PLAC1: variants seen among roughly 807,000 people sequenced by gnomAD.
The protein encoded by PLAC1 is placenta-specific protein 1.
For synonymous variants in PLAC1, 68 were observed against 62.1 expected, an observed-to-expected ratio of 1.09 and a Z score of -0.44; for missense variants, 136 against 163.2, an observed-to-expected ratio of 0.83 and a Z score of 0.91.
chrX:134,696,886 G>T (rs1033143187), intron 2 of PLAC1, among the ~76,000 whole-genome samples: 8 of 109,505 alleles, frequency 7.3e-5, no homozygotes, highest in Non-Finnish European at 1.5e-4. Context: ...AAAAAAATTA[G>T]CCGGGCGGGG....
intron 1 of PLAC1, among the ~76,000 whole-genome samples, chrX:134,638,776 G>A (rs970364786): frequency 9.3e-6 from 1 of 107,806 alleles, no homozygotes; most frequent in Non-Finnish European, 1.9e-5. Flanking sequence ...AAAAAAAAAA[G>A]CAAACAAACA....
intron 1 of PLAC1, among the ~76,000 whole-genome samples, chrX:134,612,832 A>C (rs1461430906): frequency 9.0e-6 from 1 of 111,206 alleles, no homozygotes; most frequent in Non-Finnish European, 1.9e-5. Flanking sequence ...TCTGTGCTGA[A>C]TCCAGCCTCT....
At chrX:134,650,008 G>T (rs1002416879) in intron 1 of PLAC1, among the ~76,000 whole-genome samples, 1 of 111,647 alleles carries the variant, frequency 9.0e-6, no homozygotes, top group Non-Finnish European at 1.9e-5. Flanking sequence ...GAGAGTTCCT[G>T]CCCTATACCC....
intron 1 of PLAC1, chrX:134,651,212 G>A (rs2078360993): frequency 4.6e-6 from 1 of 218,666 alleles, no homozygotes. Context: ...CGTACCATGC[G>A]ATCTTGAGGA....
At chrX:134,680,767 C>T (rs1458502814) in intron 2 of PLAC1, among the ~76,000 whole-genome samples, 2 of 111,892 alleles carry the variant, frequency 1.8e-5, no homozygotes, top group Non-Finnish European at 1.9e-5. Context: ...AGTGTCTGTG[C>T]ACTGCACTTT....
chrX:134,575,146 C>T (rs749244753), intron 2 of PLAC1, among the ~76,000 whole-genome samples: 9 of 110,889 alleles, frequency 8.1e-5, no homozygotes, highest in South Asian at 3.9e-4. Flanking sequence ...AAAGAGAGAT[C>T]CAGGCTAACT....
At chrX:134,581,165 T>C (rs1465846085) in intron 2 of PLAC1, among the ~76,000 whole-genome samples, 1 of 111,535 alleles carries the variant, frequency 9.0e-6, no homozygotes, top group African/African-American at 3.3e-5. Flanking sequence ...GACCTGGATG[T>C]CAGGGCTTGG....
chrX:134,692,837 C>T (rs1285995474), intron 2 of PLAC1, among the ~76,000 whole-genome samples: 3 of 111,460 alleles, frequency 2.7e-5, no homozygotes, highest in African/African-American at 9.8e-5. Flanking sequence ...TCAGAGAAAA[C>T]ATTTAGCCTT....
At chrX:134,707,522 C>T (rs1256383852) in intron 2 of PLAC1, among the ~76,000 whole-genome samples, 3 of 111,608 alleles carry the variant, frequency 2.7e-5, no homozygotes, top group East Asian at 2.8e-4. Flanking sequence ...TGATGTTCCC[C>T]GCCCTGTGTC....
chrX:134,584,944 G>T (rs925492145), intron 2 of PLAC1, among the ~76,000 whole-genome samples: 1 of 110,658 alleles, frequency 9.0e-6, no homozygotes, highest in Non-Finnish European at 1.9e-5. Flanking sequence ...CATAAACACA[G>T]GCAGAACGTC....
At chrX:134,739,543 T>C (rs2078711767) in intron 1 of PLAC1, among the ~76,000 whole-genome samples, 1 of 112,484 alleles carries the variant, frequency 8.9e-6, no homozygotes, top group African/African-American at 3.2e-5. Context: ...CAGCTAATGC[T>C]CTTGGCCACA....
Position 134,602,042 on chromosome X carries a change from A to C in PLAC1, c.-59+9T>G, listed in dbSNP as rs1323538148. On this transcript the variant is annotated intron_variant, in intron 2 of 2. Transcript: ENST00000359237. ...GAGAAGGGGGACACTGAACACACAG[A>C]AAACTAACCTTCTTCTGGCAGCTGG... 8.9e-6 allele frequency: 1 copy of C among 112,785 alleles called. No individual in the cohort carries two copies. Among genetic ancestry groups the C allele is most frequent in the East Asian group, 2.8e-4 (1 of 3,607 alleles). The allele number at this position is 112,785 out of a possible 1,213,427, so 9.3% of individuals were successfully genotyped here.
chrX:134,569,739 A>AGTGTGTGTGTGTGTGTGTGTGT (rs749953575), intron 2 of PLAC1, among the ~76,000 whole-genome samples: 10 of 72,159 alleles, frequency 1.4e-4, no homozygotes, highest in Non-Finnish European at 2.2e-4. Flanking sequence ...AGGGTAGAGT[A>AGTGTGTGTGTGTGTGTGTGTGT]GTGTGTGTGT....
chrX:134,718,489 G>C (rs1425296739), intron 2 of PLAC1, among the ~76,000 whole-genome samples: 2 of 112,378 alleles, frequency 1.8e-5, no homozygotes, highest in Non-Finnish European at 3.8e-5. Context: ...CATTCCTCAC[G>C]TTCAGGGAAT....
chrX:134,752,268 G>A (rs73568727), intron 1 of PLAC1, among the ~76,000 whole-genome samples: 5,842 of 111,066 alleles, frequency 0.053, 369 homozygotes, highest in African/African-American at 0.18. Context: ...AGAGAGGGAA[G>A]TGGGTTAGTA....
chrX:134,672,830 T>A (rs1041656674), intron 2 of PLAC1, among the ~76,000 whole-genome samples: 5 of 112,643 alleles, frequency 4.4e-5, no homozygotes, highest in Non-Finnish European at 9.4e-5. Context: ...TCAGAATGGA[T>A]CTGGTGTTTT....
chrX:134,640,870 G>C (rs1463164157), intron 1 of PLAC1, among the ~76,000 whole-genome samples: 1 of 112,151 alleles, frequency 8.9e-6, no homozygotes, highest in Non-Finnish European at 1.9e-5. Flanking sequence ...CCAAAGGTTT[G>C]GGACGCTGAG....
chrX:134,699,406 C>A (rs2147826344), intron 2 of PLAC1, among the ~76,000 whole-genome samples: 1 of 111,865 alleles, frequency 8.9e-6, no homozygotes, highest in East Asian at 2.8e-4. Flanking sequence ...GGAAAAAAGG[C>A]CTTCACAGAC....
intron 2 of PLAC1, among the ~76,000 whole-genome samples, chrX:134,687,867 T>C (rs369107910): frequency 1.9e-5 from 1 of 52,288 alleles, no homozygotes; most frequent in Admixed American, 2.8e-4. Context: ...TATATATATA[T>C]AGCACCTAGC....
Sources: gnomAD v4.1 joint callset for allele counts (sites outside exome capture counted in the v4.1 genomes callset) on GRCh38, gnomAD v4.1.1 for gene constraint, MANE v1.5 for transcripts, NCBI Gene and HGNC (gene_info 2026-07-23, HGNC 2026-07-21) for gene names.